The following VAC14 variants were observed in gnomAD, a reference collection of about 807,000 sequenced individuals.
VAC14 encodes the protein VAC14 component of PIKFYVE complex.
A neutral mutation model predicts 85.3 loss-of-function variants in VAC14; 47 were observed. The observed-to-expected ratio is 0.55, with a 90% CI of 0.44 to 0.70. The LOEUF (loss-of-function observed/expected upper bound fraction) is 0.70. VAC14 is among the 30% of genes least tolerant of loss of function. The pLI is 0.00. For missense variants in VAC14, 861 were observed against 1,004.3 expected (o/e 0.86, Z 1.93); for synonymous variants, 447 against 430.5 (o/e 1.04, Z -0.47).
In VAC14 at chr16:70,783,035, G is replaced by T. The variant is rs748069794; in HGVS notation, c.809C>A (p.Thr270Lys). 2.5e-6 allele frequency: 4 copies of T among 1,613,874 alleles called. No homozygotes were observed. The Admixed American group carries it at 6.7e-5, about 27-fold the overall frequency. The change falls in exon 7 of 19, where the codon ACA (threonine) becomes AAA (lysine). Residue 270 changes from threonine (T) to lysine (K), a missense_variant and splice_region_variant. Physicochemically the swap from Thr to Lys is moderately conservative, Grantham distance 78. Around this residue, in one of 3 missense-constraint regions of VAC14, gnomAD observed 629 missense variants for 703.1 expected, o/e 0.89. Transcript: ENST00000261776. ...ANILVIHCQT[T>K]DDLIQLTAMC... ...GTGGGCCCTCCCCCAATACTCACCT[G>T]TTGTCTGGCAGTGGATCACCAGGAT...
At chr16:70,756,204 AGCTCTGCTCT>A in intron 12 of VAC14, 4 of 420,048 alleles carry the variant, frequency 9.5e-6, no homozygotes, top group South Asian at 3.5e-5. Flanking sequence ...GCCTCACCCC[AGCTCTGCTCT>A]GCTCTGCTCT....
intron 13 of VAC14, among the ~76,000 whole-genome samples, chr16:70,735,845 A>G (rs1489334082): frequency 6.6e-6 from 1 of 152,244 alleles, no homozygotes; most frequent in Non-Finnish European, 1.5e-5. Flanking sequence ...GGAATGGCAA[A>G]GAGTCTCTGC....
At chr16:70,708,672 GTGTA>G in intron 14 of VAC14, among the ~76,000 whole-genome samples, 1 of 152,246 alleles carries the variant, frequency 6.6e-6, no homozygotes, top group Non-Finnish European at 1.5e-5. Context: ...GGGGACAGGC[GTGTA>G]ACCCTGTGCT....
At chr16:70,697,104 A>T (rs1396119567) in intron 16 of VAC14, 35 bp downstream of exon 16, 1 of 1,577,578 alleles carries the variant, frequency 6.3e-7, no homozygotes, top group Admixed American at 1.7e-5. Flanking sequence ...TGCCCCTCAG[A>T]GGCTCAACCC....
In VAC14 at chr16:70,786,231, G is replaced by C; in HGVS notation, c.239C>G (p.Ser80Cys). Residue 80 changes from serine (S) to cysteine (C), a missense_variant, in exon 2 of 19, where the codon TCC becomes TGC. This residue lies in a region of VAC14 where 629 missense variants were observed against 703.1 expected (regional missense o/e 0.89). Coordinates refer to ENST00000261776, the MANE Select transcript of VAC14 (RefSeq NM_018052.5). Reference protein sequence around the residue: ...KGGLIGLAACSIALGKDSGLY... With the variant: ...KGGLIGLAACCIALGKDSGLY... ...AAGGCCCACCTTGCCCAGTGCGATG[G>C]AGCAGGCGGCCAGGCCGATGAGGCC... 2.5e-6 allele frequency: 4 copies of C among 1,614,202 alleles called. No individual in the cohort carries two copies. The highest frequency in any genetic ancestry group is 3.4e-6 in the Non-Finnish European group (4 of 1,180,022).
Position 70,698,756 on chromosome 16 carries a change from G to C in VAC14, c.1717C>G (p.Leu573Val). The change falls in exon 15 of 19, where the codon CTG becomes GTG. Residue 573 changes from leucine (L) to valine (V), a missense_variant. Physicochemically the swap from Leu to Val is conservative, Grantham distance 32. Transcript: ENST00000261776. ...ENIFHSMADILLREEDLKFAS... is the reference protein window; with the variant it reads ...ENIFHSMADIVLREEDLKFAS... ...AACTTGAGGTCCTCCTCCCGCAGCA[G>C]GATGTCTGCCATTGAGTGGAAGATG... The C allele has an allele frequency of 6.2e-7, 1 of 1,614,214 alleles. No individual in the cohort carries two copies. The highest frequency in any genetic ancestry group is 8.5e-7 in the Non-Finnish European group (1 of 1,180,032).
chr16:70,764,566 C>T (rs541935983), intron 10 of VAC14, among the ~76,000 whole-genome samples: 1 of 152,234 alleles, frequency 6.6e-6, no homozygotes, highest in Non-Finnish European at 1.5e-5. Context: ...TATAATTTTA[C>T]ATCTTCCAGT....
intron 12 of VAC14, among the ~76,000 whole-genome samples, chr16:70,753,080 G>A (rs1204170671): frequency 6.6e-6 from 1 of 151,920 alleles, no homozygotes; most frequent in African/African-American, 2.4e-5. Flanking sequence ...AGGCTTCATG[G>A]AGCATATAAG....
intron 9 of VAC14, chr16:70,778,455 T>G (rs575942003): frequency 2.0e-5 from 3 of 152,106 alleles, no homozygotes; most frequent in Admixed American, 2.0e-4. Context: ...ATAATTCATA[T>G]AACATTTCAC....
chr16:70,749,389 T>C (rs1034619375), intron 12 of VAC14, among the ~76,000 whole-genome samples: 2 of 152,250 alleles, frequency 1.3e-5, no homozygotes, highest in Admixed American at 6.5e-5. Flanking sequence ...AAATGGCAAA[T>C]GAATGCAAAT....
rs756391496 is a variant in VAC14 at position 70,786,357 on chromosome 16, C to T, written c.113G>A (p.Arg38Gln). The T allele has an allele frequency of 6.8e-6, 11 of 1,613,856 alleles. No homozygotes were observed. The highest frequency in any genetic ancestry group is 2.2e-5 in the East Asian group (1 of 44,894). ...VAALEIEKLV[R>Q]EFVAQNNTVQ... ...GGTATTGTTCTGGGCCACGAACTCC[C>T]GGACCAGCCTGGAGAGAGAGGAGAG... Residue 38 changes from arginine (R) to glutamine (Q), a missense_variant, in exon 2 of 19, where the codon CGG becomes CAG. By Grantham distance (43) the Arg-to-Gln change is conservative (BLOSUM62 1). Around this residue, in one of 3 missense-constraint regions of VAC14, gnomAD observed 629 missense variants for 703.1 expected, o/e 0.89. Transcript: ENST00000261776.
chr16:70,743,749 C>T (rs963494826), intron 13 of VAC14, among the ~76,000 whole-genome samples: 4 of 152,170 alleles, frequency 2.6e-5, no homozygotes, highest in South Asian at 2.1e-4. Context: ...TCCAGAGGGG[C>T]GCAATGGACA....
chr16:70,741,283 GAGC>G (rs2030274845), intron 13 of VAC14, among the ~76,000 whole-genome samples: 1 of 152,260 alleles, frequency 6.6e-6, no homozygotes, highest in Non-Finnish European at 1.5e-5. Flanking sequence ...GTCTGGGAAG[GAGC>G]AGCTTGCGGA....
At position 70,793,275 on chromosome 16, in the gene VAC14, G is replaced by C. The variant is rs931772810; in HGVS notation, c.105-6910C>G. 2.6e-5 allele frequency among the ~76,000 whole-genome samples: 4 copies of C among 152,316 alleles called. No homozygotes were observed. The South Asian group carries it at 8.3e-4, about 32-fold the overall frequency. On this transcript the variant is annotated intron_variant, in intron 1 of 18. Transcript: ENST00000261776. ...CTTCTGTGAACGCAGGACACAGTGA[G>C]TAACCATCAGCTGAGTACTTACTAT...
chr16:70,744,025 C>T (rs1431139870), intron 13 of VAC14, among the ~76,000 whole-genome samples: 1 of 152,018 alleles, frequency 6.6e-6, no homozygotes, highest in African/African-American at 2.4e-5. Flanking sequence ...CTATTTTTAG[C>T]TTCTCAGAGA....
chr16:70,717,967 G>C (rs895236749), intron 14 of VAC14, among the ~76,000 whole-genome samples: 4 of 152,176 alleles, frequency 2.6e-5, no homozygotes, highest in Non-Finnish European at 4.4e-5. Context: ...GTATTCATCT[G>C]AATGACTCTA....
intron 15 of VAC14, among the ~76,000 whole-genome samples, chr16:70,698,303 G>A (rs4985562): frequency 0.36 from 55,242 of 152,124 alleles, 12,821 homozygotes; most frequent in Non-Finnish European, 0.5. Flanking sequence ...GTGGGCCCAC[G>A]GCCAGCAGAG....
At chr16:70,693,171 T>C (rs902834265) in intron 17 of VAC14, among the ~76,000 whole-genome samples, 200 bp from the exon 18 acceptor site, 2 of 152,206 alleles carry the variant, frequency 1.3e-5, no homozygotes, top group Non-Finnish European at 2.9e-5. Context: ...CCAGTCGCGC[T>C]GCCCCCACCT....
At position 70,786,380 on chromosome 16, in the gene VAC14, G is replaced by A. The variant is rs772692750; in HGVS notation, c.105-15C>T. 2 of 1,611,316 alleles carry A rather than the reference G, an allele frequency of 1.2e-6. No homozygotes were observed. Among genetic ancestry groups the A allele is most frequent in the East Asian group, 2.2e-5 (1 of 44,810 alleles). ...CCCGGACCAGCCTGGAGAGAGAGGA[G>A]AGAGGGGCTGTGGGAATCAGGCTAC... On this transcript the variant is annotated splice_polypyrimidine_tract_variant and intron_variant, in intron 1 of 18. Transcript: ENST00000261776.
Sources: gnomAD v4.1 joint callset for allele counts (sites outside exome capture counted in the v4.1 genomes callset) on GRCh38, gnomAD v4.1.1 for gene constraint, gnomAD v4.1.1 regional missense constraint, MANE v1.5 for transcripts, NCBI Gene and HGNC (gene_info 2026-07-23, HGNC 2026-07-21) for gene names.